Variants in PHF14 observed in about 807,000 individuals in gnomAD.
PHF14 encodes the protein PHD finger protein 14.
PHF14 carries 55 observed loss-of-function variants against 117.9 expected under a neutral mutation model. That is an observed-to-expected ratio of 0.47 (90% CI 0.38 to 0.58). The LOEUF (loss-of-function observed/expected upper bound fraction) is 0.58, where lower values mean the gene tolerates loss of function less well. PHF14 is among the 20% of genes least tolerant of loss of function. The pLI is 0.00. For synonymous variants in PHF14, 409 were observed against 368.6 expected, an observed-to-expected ratio of 1.11 and a Z score of -1.26; for missense variants, 978 against 1,122.2, an observed-to-expected ratio of 0.87 and a Z score of 1.84.
chr7:11,073,285 A>G (rs1583437259), intron 16 of PHF14, among the ~76,000 whole-genome samples: 1 of 152,234 alleles, frequency 6.6e-6, no homozygotes, highest in South Asian at 2.1e-4. Flanking sequence ...CCAAGATACA[A>G]TGGTGGTACA....
At chr7:11,027,104 C>G (rs1332639883) in intron 6 of PHF14, among the ~76,000 whole-genome samples, 1 of 152,016 alleles carries the variant, frequency 6.6e-6, no homozygotes, top group Non-Finnish European at 1.5e-5. Context: ...GAATATTTTC[C>G]TTATATTCAC....
intron 16 of PHF14, among the ~76,000 whole-genome samples, chr7:11,098,258 G>C (rs1309841299): frequency 6.6e-6 from 1 of 152,028 alleles, no homozygotes; most frequent in African/African-American, 2.4e-5. Flanking sequence ...AATATTTTGG[G>C]AACAGTTTTC....
At chr7:10,979,491 T>G (rs1781981755) in intron 2 of PHF14, among the ~76,000 whole-genome samples, 1 of 151,916 alleles carries the variant, frequency 6.6e-6, no homozygotes, top group Non-Finnish European at 1.5e-5. Context: ...GACTTGAAAT[T>G]AACTCTTTCT....
At chr7:11,131,818 A>G (rs529589907) in intron 17 of PHF14, among the ~76,000 whole-genome samples, 1 of 151,546 alleles carries the variant, frequency 6.6e-6, no homozygotes, top group Non-Finnish European at 1.5e-5. Context: ...ACCTGTGCCT[A>G]CGTTCTCTCT....
At chr7:11,068,109 G>A (rs368508445) in intron 16 of PHF14, among the ~76,000 whole-genome samples, 12 of 152,186 alleles carry the variant, frequency 7.9e-5, no homozygotes, top group East Asian at 3.9e-4. Flanking sequence ...CCAGCACTTC[G>A]GAAGGCCAAG....
intron 17 of PHF14, among the ~76,000 whole-genome samples, chr7:11,125,506 T>C (rs550351535): frequency 3.5e-4 from 53 of 152,220 alleles, no homozygotes; most frequent in Non-Finnish European, 6.6e-4. Context: ...TTAATTCTTT[T>C]GCTGACAATT....
intron 17 of PHF14, among the ~76,000 whole-genome samples, chr7:11,153,443 A>G (rs1464768579): frequency 6.6e-6 from 1 of 152,052 alleles, no homozygotes; most frequent in African/African-American, 2.4e-5. Flanking sequence ...GGCTTTGTAC[A>G]TGGTATGTTT....
At chr7:10,985,158 T>C (rs754850683) in intron 3 of PHF14, among the ~76,000 whole-genome samples, 5 of 152,148 alleles carry the variant, frequency 3.3e-5, no homozygotes, top group Admixed American at 6.5e-5. Context: ...AGTTTTCTTA[T>C]TTGTATGATC....
intron 16 of PHF14, among the ~76,000 whole-genome samples, chr7:11,084,348 C>T (rs556108184): frequency 1.3e-5 from 2 of 152,272 alleles, no homozygotes; most frequent in Admixed American, 6.5e-5. Context: ...TTTCTTCTTA[C>T]ATCCTCTAAA....
chr7:11,144,434 A>C (rs1238679408), intron 17 of PHF14, among the ~76,000 whole-genome samples: 2 of 151,754 alleles, frequency 1.3e-5, no homozygotes, highest in African/African-American at 4.8e-5. Context: ...TTGCAGCACT[A>C]TAATATGTAA....
intron 17 of PHF14, among the ~76,000 whole-genome samples, chr7:11,152,334 AC>A (rs1182078597): frequency 6.6e-6 from 1 of 152,168 alleles, no homozygotes; most frequent in Non-Finnish European, 1.5e-5. Context: ...TGGATATGTG[AC>A]CAAGGGCAGT....
intron 16 of PHF14, chr7:11,102,530 G>A (rs371670051): frequency 1.2e-4 from 191 of 1,611,162 alleles, no homozygotes; most frequent in Middle Eastern, 8.2e-4. Flanking sequence ...ATCCTCGGAG[G>A]CAATCCCGGA....
intron 12 of PHF14, among the ~76,000 whole-genome samples, chr7:11,041,991 T>C (rs1784518541): frequency 6.6e-6 from 1 of 151,832 alleles, no homozygotes; most frequent in South Asian, 2.1e-4. Flanking sequence ...TACGCAGGTG[T>C]AGTTAAATTG....
At position 10,990,727 on chromosome 7, in the gene PHF14, C is replaced by A. The variant is rs533624515; in HGVS notation, c.925C>A (p.Gln309Lys). ...GGACTCGCTGATTCTTGAGAAGAGT[C>A]AAAACTGGAGCTCTCAAAAAATGGA... The part of the protein sequence containing the change: ...NEDSLILEKS[Q>K]NWSSQKMDHI... Residue 309 changes from glutamine (Q) to lysine (K), a missense_variant, in exon 4 of 18, where the codon CAA becomes AAA. Physicochemically the swap from Gln to Lys is moderately conservative, Grantham distance 53. Coordinates refer to ENST00000634607, the MANE Select transcript of PHF14 (RefSeq NM_001007157.2). The A allele has an allele frequency of 6.4e-7, 1 of 1,554,296 alleles. No homozygotes were observed. Among genetic ancestry groups the A allele is most frequent in the Admixed American group, 1.9e-5 (1 of 52,872 alleles).
In PHF14 at chr7:11,068,468, A is replaced by T. The variant is rs991215916; in HGVS notation, c.2654+6383A>T. Among the ~76,000 whole-genome samples, 234 of 152,256 alleles carry T rather than the reference A, an allele frequency of 1.5e-3. 1 individual carries two copies. The highest frequency in any genetic ancestry group is 1.3e-4 in the Non-Finnish European group (9 of 68,020). On this transcript the variant is annotated intron_variant, in intron 16 of 17. Coordinates refer to ENST00000634607, the MANE Select transcript of PHF14 (RefSeq NM_001007157.2). The stretch of plus-strand genomic sequence containing the variant: ...ACAAATAATGTATGATTCCACTTAC[A>T]TGAGATTCCTAGAGTAGTCAGATTT...
At chr7:11,006,569 T>A in intron 4 of PHF14, 1 of 596,304 alleles carries the variant, frequency 1.7e-6, no homozygotes, top group South Asian at 1.4e-5. Context: ...TGGCTTTAAC[T>A]TCCTCAGTGA....
At chr7:11,131,495 T>C (rs1788089606) in intron 17 of PHF14, among the ~76,000 whole-genome samples, 1 of 151,952 alleles carries the variant, frequency 6.6e-6, no homozygotes, top group Non-Finnish European at 1.5e-5. Flanking sequence ...TTAAATTGGG[T>C]TGTAAAATTA....
intron 17 of PHF14, among the ~76,000 whole-genome samples, chr7:11,162,037 C>T (rs1789053367): frequency 6.9e-6 from 1 of 145,634 alleles, no homozygotes; most frequent in Admixed American, 6.9e-5. Context: ...GTATTCTTAG[C>T]CCCTTCAGAT....
At chr7:11,121,884 G>A (rs1195703872) in intron 17 of PHF14, among the ~76,000 whole-genome samples, 1 of 151,426 alleles carries the variant, frequency 6.6e-6, no homozygotes, top group African/African-American at 2.4e-5. Context: ...TCTGGGGTAC[G>A]TGTCCAGAAC....
Sources: allele counts gnomAD v4.1 joint callset (sites outside exome capture counted in the v4.1 genomes callset), GRCh38; gene constraint gnomAD v4.1.1; transcripts MANE v1.5; gene names NCBI Gene and HGNC (gene_info 2026-07-23, HGNC 2026-07-21).